The following OSTF1 variants were observed in gnomAD, a reference collection of about 807,000 sequenced individuals.
OSTF1 encodes the protein osteoclast stimulating factor 1, also known as osteoclast-stimulating factor 1.
A neutral mutation model predicts 37.2 loss-of-function variants in OSTF1; 27 were observed. The ratio of observed to expected loss-of-function variants is 0.73; its 90% CI spans 0.54 to 1.00. The LOEUF is 1.00. OSTF1 is among the 50% of genes least tolerant of loss of function. The pLI is 0.00. For missense variants in OSTF1, 232 were observed against 253.8 expected (o/e 0.91, Z 0.58); for synonymous variants, 82 against 89.2 (o/e 0.92, Z 0.46).
intron 7 of OSTF1, among the ~76,000 whole-genome samples, chr9:75,136,633 C>G (rs537585883): frequency 2.6e-5 from 4 of 152,152 alleles, no homozygotes; most frequent in African/African-American, 9.7e-5. Context: ...TTCAGGTGAT[C>G]CGCTCTCCTC....
chr9:75,106,931 C>A (rs553634056), intron 1 of OSTF1, among the ~76,000 whole-genome samples: 1 of 139,946 alleles, frequency 7.1e-6, no homozygotes, highest in South Asian at 2.2e-4. Flanking sequence ...TCCAGCATTG[C>A]GACAGAGCAA....
chr9:75,095,784 GT>G (rs1825071031), intron 1 of OSTF1, among the ~76,000 whole-genome samples: 1 of 152,288 alleles, frequency 6.6e-6, no homozygotes, highest in Admixed American at 6.5e-5. Flanking sequence ...TTGCTTATCT[GT>G]TTCTCAGTGT....
Position 75,114,692 on chromosome 9 carries a change from T to C in OSTF1, c.35-2812T>C, listed in dbSNP as rs553398273. Reference sequence around the variant, plus strand: ...CACCCACCTCTTGAGTAGCTGGGACTACAGGTGTGTGCCACCAAGCCTGGC... The same window carrying C: ...CACCCACCTCTTGAGTAGCTGGGACCACAGGTGTGTGCCACCAAGCCTGGC... On this transcript the variant is annotated intron_variant, in intron 1 of 9. Coordinates refer to ENST00000346234, the MANE Select transcript of OSTF1 (RefSeq NM_012383.5). Among the ~76,000 whole-genome samples, 13 of 152,234 alleles carry C rather than the reference T, an allele frequency of 8.5e-5. No individual in the cohort carries two copies. The South Asian group carries it at 2.7e-3, about 32-fold the overall frequency.
Position 75,112,105 on chromosome 9 carries a change from C to T in OSTF1, c.35-5399C>T, listed in dbSNP as rs527494134. 1.8e-4 allele frequency among the ~76,000 whole-genome samples: 26 copies of T among 143,884 alleles called. No homozygotes were observed. The South Asian group carries it at 2.2e-3, about 12-fold the overall frequency. The allele number at this position is 143,884 out of a possible 152,430, so 94.4% of individuals were successfully genotyped here. On this transcript the variant is annotated intron_variant, in intron 1 of 9. Transcript: ENST00000346234. ...GGCTGGGATTACAGGCATGAGCCACCGCACTCAGCCTACTGCTTTTTTTTT... is the reference window on the plus strand; with the variant it reads ...GGCTGGGATTACAGGCATGAGCCACTGCACTCAGCCTACTGCTTTTTTTTT...
chr9:75,135,642 T>G (rs1815798750), intron 7 of OSTF1, among the ~76,000 whole-genome samples: 1 of 152,222 alleles, frequency 6.6e-6, no homozygotes, highest in Non-Finnish European at 1.5e-5. Flanking sequence ...TAGTTTTCTA[T>G]TGCTGCCTAG....
intron 1 of OSTF1, among the ~76,000 whole-genome samples, chr9:75,105,784 A>G (rs1176527086): frequency 1.3e-5 from 2 of 152,180 alleles, no homozygotes; most frequent in African/African-American, 4.8e-5. Context: ...CCCAGTGAAG[A>G]CAGTTGGCAA....
intron 1 of OSTF1, among the ~76,000 whole-genome samples, chr9:75,112,747 A>C (rs1300589426): frequency 6.6e-6 from 1 of 152,238 alleles, no homozygotes; most frequent in Non-Finnish European, 1.5e-5. Context: ...AATTTCACCT[A>C]AACCCATTTA....
intron 8 of OSTF1, among the ~76,000 whole-genome samples, chr9:75,140,570 C>G (rs1017372207): frequency 5.3e-5 from 8 of 152,186 alleles, no homozygotes; most frequent in Non-Finnish European, 1.2e-4. Context: ...ACCATAAACT[C>G]CTCACTGAAA....
intron 7 of OSTF1, among the ~76,000 whole-genome samples, chr9:75,137,300 AG>A: frequency 6.6e-6 from 1 of 152,114 alleles, no homozygotes; most frequent in East Asian, 1.9e-4. Flanking sequence ...TGTGCTTTTC[AG>A]CTCGTGCTCC....
chr9:75,127,554 T>C lies in OSTF1; in HGVS notation c.82-15T>C. Reference sequence around the variant, plus strand: ...TGAAAAATCACATGGAGTCAAACTTTTTTTTTTCTTCTAGCCAGATGAATT... The same window carrying C: ...TGAAAAATCACATGGAGTCAAACTTCTTTTTTTCTTCTAGCCAGATGAATT... On this transcript the variant is annotated splice_polypyrimidine_tract_variant and intron_variant, in intron 2 of 9. Transcript: ENST00000346234. 1 of 1,516,378 alleles carries C rather than the reference T, an allele frequency of 6.6e-7. No individual in the cohort carries two copies. Among genetic ancestry groups the C allele is most frequent in the Non-Finnish European group, 9.0e-7 (1 of 1,112,516 alleles). 93.9% of individuals were successfully genotyped at this position (1,516,378 alleles called of 1,614,324 possible).
At chr9:75,134,813 A>G (rs1359108875) in intron 7 of OSTF1, among the ~76,000 whole-genome samples, 1 of 152,184 alleles carries the variant, frequency 6.6e-6, no homozygotes, top group Non-Finnish European at 1.5e-5. Context: ...ATATTACTAT[A>G]TAATATTTAC....
chr9:75,135,090 C>T (rs138700427), intron 7 of OSTF1, among the ~76,000 whole-genome samples: 1,729 of 152,322 alleles, frequency 0.011, 14 homozygotes, highest in Middle Eastern at 0.027. Flanking sequence ...CAGGGAACCC[C>T]TTCCGTTCTC....
chr9:75,102,993 T>G (rs1025315603), intron 1 of OSTF1, among the ~76,000 whole-genome samples: 3 of 152,182 alleles, frequency 2.0e-5, no homozygotes, highest in African/African-American at 4.8e-5. Context: ...TGCTGATAAA[T>G]CAAACACAAG....
chr9:75,107,029 A>G (rs1203426540), intron 1 of OSTF1, among the ~76,000 whole-genome samples: 3 of 151,898 alleles, frequency 2.0e-5, no homozygotes, highest in South Asian at 2.1e-4. Context: ...AATGACGCCA[A>G]TAGAGATCTG....
chr9:75,133,991 T>G (rs1411444062), intron 6 of OSTF1, among the ~76,000 whole-genome samples: 1 of 152,120 alleles, frequency 6.6e-6, no homozygotes, highest in Non-Finnish European at 1.5e-5. Flanking sequence ...TCTCAACAAA[T>G]TAAATAGCAG....
rs955164504 is a variant in OSTF1 at position 75,146,880 on chromosome 9, G to A, written c.*139G>A. On this transcript the variant is annotated 3_prime_UTR_variant, in exon 10 of 10. Coordinates refer to ENST00000346234, the MANE Select transcript of OSTF1 (RefSeq NM_012383.5). ...GTGTTGCACTGTGTTTGAGTAGAAC[G>A]TGTAAATGAATTGTTCCCACCTTTG... 7.1e-6 allele frequency: 4 copies of A among 566,946 alleles called. No homozygotes were observed. Among genetic ancestry groups the A allele is most frequent in the Non-Finnish European group, 9.1e-6 (3 of 330,648 alleles). The allele number at this position is 566,946 out of a possible 1,614,324, so 35.1% of individuals were successfully genotyped here.
intron 1 of OSTF1, among the ~76,000 whole-genome samples, chr9:75,096,630 C>T (rs1034974734): frequency 3.9e-5 from 6 of 152,178 alleles, no homozygotes; most frequent in African/African-American, 7.2e-5. Context: ...TTAGGATTCT[C>T]GGCTTCCCAG....
rs1825388466 is a variant in OSTF1, at chr9:75,111,547, G to T, written c.35-5957G>T. On this transcript the variant is annotated intron_variant, in intron 1 of 9. Transcript: ENST00000346234. ...TGCTAATACGTGCAGGTTCATGCAA[G>T]GTTCACCTAAAGCCTCAGACAAAAG... is the stretch of plus-strand genomic sequence containing the variant. Among the ~76,000 whole-genome samples, 3 of 152,108 alleles carry T rather than the reference G, an allele frequency of 2.0e-5. No individual in the cohort carries two copies. The South Asian group carries it at 6.2e-4, about 32-fold the overall frequency.
At chr9:75,094,496 C>T (rs1825037781) in intron 1 of OSTF1, among the ~76,000 whole-genome samples, 2 of 151,844 alleles carry the variant, frequency 1.3e-5, no homozygotes, top group Admixed American at 1.3e-4. Context: ...GCATTCCTCC[C>T]TTCTGGAAAT....
Sources: allele counts gnomAD v4.1 joint callset (sites outside exome capture counted in the v4.1 genomes callset), GRCh38; gene constraint gnomAD v4.1.1; transcripts MANE v1.5; gene names NCBI Gene and HGNC (gene_info 2026-07-23, HGNC 2026-07-21).